The following ATRNL1 variants were observed in gnomAD, a reference collection of about 807,000 sequenced individuals.
The protein encoded by ATRNL1 is attractin like 1.
A neutral mutation model predicts 182.7 loss-of-function variants in ATRNL1; 95 were observed. The observed-to-expected ratio is 0.52, with a 90% CI of 0.44 to 0.62. The LOEUF (loss-of-function observed/expected upper bound fraction) is 0.62. Among genes scored for constraint, ATRNL1 ranks in the 20% least tolerant of loss-of-function variants. The probability of loss-of-function intolerance (pLI) is 0.00; values close to 1 mark genes in which losing one functional copy is unlikely to be tolerated. For missense variants in ATRNL1, 1,471 were observed against 1,679.5 expected (o/e 0.88, Z 2.17); for synonymous variants, 576 against 568.3 (o/e 1.01, Z -0.19).
chr10:115,560,895 A>C (rs1853664912), intron 26 of ATRNL1, among the ~76,000 whole-genome samples: 1 of 152,214 alleles, frequency 6.6e-6, no homozygotes, highest in Non-Finnish European at 1.5e-5. Flanking sequence ...CAAGACAATT[A>C]AATGGAAGAA....
intron 24 of ATRNL1, 139 bp from the exon 25 acceptor site, chr10:115,519,124 C>T (rs1196628198): frequency 3.6e-5 from 25 of 703,448 alleles, no homozygotes; most frequent in Admixed American, 8.0e-5. Flanking sequence ...AATTTTCATT[C>T]CATCACATAT....
chr10:115,221,821 T>C (rs1246752328), intron 9 of ATRNL1, among the ~76,000 whole-genome samples: 2 of 152,120 alleles, frequency 1.3e-5, no homozygotes, highest in Admixed American at 6.6e-5. Context: ...TAATCTTTTA[T>C]TAGATTATGG....
At chr10:115,659,704 A>G (rs1026664745) in intron 26 of ATRNL1, among the ~76,000 whole-genome samples, 2 of 152,130 alleles carry the variant, frequency 1.3e-5, no homozygotes, top group Non-Finnish European at 2.9e-5. Flanking sequence ...ACTTACACAT[A>G]ATCATTGGAG....
chr10:115,588,053 G>A (rs781315617), intron 26 of ATRNL1, among the ~76,000 whole-genome samples: 1 of 152,132 alleles, frequency 6.6e-6, no homozygotes. Flanking sequence ...GGGATTATCA[G>A]ACTGGATAAT....
At chr10:115,533,062 T>A (rs1851696997) in intron 25 of ATRNL1, among the ~76,000 whole-genome samples, 1 of 152,194 alleles carries the variant, frequency 6.6e-6, no homozygotes, top group South Asian at 2.1e-4. Context: ...GGTCTAAAAT[T>A]CTCTTTTTTG....
chr10:115,892,656 A>G (rs1555111591), intron 28 of ATRNL1, among the ~76,000 whole-genome samples: 1 of 152,198 alleles, frequency 6.6e-6, no homozygotes, highest in Non-Finnish European at 1.5e-5. Context: ...CAAGCCACCC[A>G]TCTTATTAAG....
chr10:115,220,062 A>G (rs1849392971), intron 9 of ATRNL1, among the ~76,000 whole-genome samples: 1 of 152,206 alleles, frequency 6.6e-6, no homozygotes, highest in South Asian at 2.1e-4. Context: ...AATTCTCTCT[A>G]ACAATTGTGC....
intron 21 of ATRNL1, among the ~76,000 whole-genome samples, chr10:115,440,079 T>C (rs782448930): frequency 6.6e-6 from 1 of 151,884 alleles, no homozygotes; most frequent in Non-Finnish European, 1.5e-5. Flanking sequence ...TGTCGTTATT[T>C]ATTTTGTAGC....
intron 28 of ATRNL1, among the ~76,000 whole-genome samples, chr10:115,924,556 T>G (rs1953163135): frequency 6.6e-6 from 1 of 152,140 alleles, no homozygotes; most frequent in South Asian, 2.1e-4. Context: ...ATCAGATGGT[T>G]GTAGATGTGT....
chr10:115,219,730 C>T (rs1308149445), intron 9 of ATRNL1, among the ~76,000 whole-genome samples: 1 of 152,040 alleles, frequency 6.6e-6, no homozygotes, highest in Non-Finnish European at 1.5e-5. Flanking sequence ...TGGTGAAACC[C>T]CATCTCTACT....
intron 28 of ATRNL1, among the ~76,000 whole-genome samples, chr10:115,897,050 A>G (rs550212460): frequency 6.6e-6 from 1 of 152,316 alleles, no homozygotes; most frequent in South Asian, 2.1e-4. Context: ...TCCCTAACAT[A>G]AAGAGTCCTG....
At chr10:115,178,121 G>A (rs1445051917) in intron 8 of ATRNL1, among the ~76,000 whole-genome samples, 1 of 151,856 alleles carries the variant, frequency 6.6e-6, no homozygotes, top group Non-Finnish European at 1.5e-5. Context: ...GTTTCGCCAT[G>A]CCTGTCTTGA....
chr10:115,816,418 CT>C (rs1950165964), intron 27 of ATRNL1, among the ~76,000 whole-genome samples: 1 of 152,166 alleles, frequency 6.6e-6, no homozygotes, highest in African/African-American at 2.4e-5. Context: ...AGAAGTTACT[CT>C]GTGCCAGATA....
At chr10:115,188,837 G>T (rs551423083) in intron 8 of ATRNL1, among the ~76,000 whole-genome samples, 25 of 152,190 alleles carry the variant, frequency 1.6e-4, no homozygotes, top group African/African-American at 5.8e-4. Flanking sequence ...GTATTAAGTG[G>T]TGGGAATTAG....
At chr10:115,529,511 TTAATTGAATGAGCTTCTAA>T (rs1554987567) in intron 25 of ATRNL1, among the ~76,000 whole-genome samples, 1 of 151,486 alleles carries the variant, frequency 6.6e-6, no homozygotes, top group Non-Finnish European at 1.5e-5. Flanking sequence ...GAGCTTCTTA[TTAATTGAATGAGCTTCTAA>T]TGTTCTTTTA....
intron 24 of ATRNL1, among the ~76,000 whole-genome samples, chr10:115,485,369 G>T (rs1848967770): frequency 6.6e-6 from 1 of 151,758 alleles, no homozygotes; most frequent in African/African-American, 2.4e-5. Flanking sequence ...CTAATTAACA[G>T]ATAAAATTGT....
intron 21 of ATRNL1, among the ~76,000 whole-genome samples, chr10:115,459,440 A>G (rs1554969302): frequency 1.3e-5 from 2 of 152,108 alleles, no homozygotes; most frequent in Admixed American, 6.6e-5. Context: ...TAGGTCTCTG[A>G]ACTGGCCCTC....
intron 21 of ATRNL1, among the ~76,000 whole-genome samples, chr10:115,458,532 T>G (rs1847636834): frequency 6.6e-6 from 1 of 152,074 alleles, no homozygotes; most frequent in Non-Finnish European, 1.5e-5. Flanking sequence ...TTCATACTGA[T>G]CTAGTATTTT....
At chr10:115,770,516 G>A (rs1412627648) in intron 27 of ATRNL1, among the ~76,000 whole-genome samples, 1 of 151,966 alleles carries the variant, frequency 6.6e-6, no homozygotes, top group Admixed American at 6.6e-5. Context: ...CTTCCTCAAG[G>A]CAGGCTGTGT....
Sources: allele counts gnomAD v4.1 joint callset (sites outside exome capture counted in the v4.1 genomes callset), GRCh38; gene constraint gnomAD v4.1.1; transcripts MANE v1.5; gene names NCBI Gene and HGNC (gene_info 2026-07-23, HGNC 2026-07-21).